The following PUDP variants were observed in gnomAD, a reference collection of about 807,000 sequenced individuals.
The protein encoded by PUDP is pseudouridine 5'-phosphatase, also known as pseudouridine-5'-phosphatase.
Under a neutral mutation model 9.4 loss-of-function variants are expected in PUDP, and 8 were observed. That is an observed-to-expected ratio of 0.85 (90% CI 0.50 to 1.53). PUDP has a LOEUF of 1.53. PUDP is among the 40% of genes most tolerant of loss of function. PUDP has a pLI of 0.00. For synonymous variants in PUDP, 99 were observed against 80.7 expected, an observed-to-expected ratio of 1.23 and a Z score of -1.22; for missense variants, 188 against 189.7, an observed-to-expected ratio of 0.99 and a Z score of 0.05.
Position 6,799,658 on chromosome X carries a change from AG to A in PUDP, c.*248-93193del, listed in dbSNP as rs771958522. 2.7e-5 allele frequency among the ~76,000 whole-genome samples: 3 copies of A among 111,246 alleles called. No individual in the cohort carries two copies. The Admixed American group carries it at 2.9e-4, about 11-fold the overall frequency. ...TTCGAGACCAGCCAGACCAACATGG[AG>A]AAACCCAGTCTCTACTAAAAATACA... On this transcript the variant is annotated intron_variant and NMD_transcript_variant, in intron 3 of 3. Coordinates refer to the PUDP transcript ENST00000655425.
intron 3 of PUDP, among the ~76,000 whole-genome samples, chrX:6,752,378 T>C (rs1925105884): frequency 9.0e-6 from 1 of 111,300 alleles, no homozygotes; most frequent in African/African-American, 3.3e-5. Flanking sequence ...CTATGTCCTA[T>C]GGAAGAGGTG....
chrX:6,973,989 G>A (rs1928916809), intron 3 of PUDP, among the ~76,000 whole-genome samples: 2 of 111,371 alleles, frequency 1.8e-5, no homozygotes. Flanking sequence ...AGCTTTGTTG[G>A]TTCAAAGTCT....
At chrX:6,865,961 C>T (rs1359106094) in intron 3 of PUDP, among the ~76,000 whole-genome samples, 2 of 111,265 alleles carry the variant, frequency 1.8e-5, no homozygotes, top group African/African-American at 6.5e-5. Flanking sequence ...CTCTCTGTTG[C>T]CCAGGCCGGA....
chrX:7,010,205 AATCC>A (rs1929458193), intron 1 of PUDP, among the ~76,000 whole-genome samples: 1 of 111,800 alleles, frequency 8.9e-6, no homozygotes, highest in Non-Finnish European at 1.9e-5. Context: ...GGAGAAGGCT[AATCC>A]ATCCCTGTTT....
chrX:7,006,518 C>A (rs963359882), intron 1 of PUDP, among the ~76,000 whole-genome samples: 1 of 111,094 alleles, frequency 9.0e-6, no homozygotes, highest in Non-Finnish European at 1.9e-5. Flanking sequence ...AGGTCCTCTG[C>A]CTATTTTTTT....
At chrX:6,967,807 T>A (rs1209760559) in intron 3 of PUDP, among the ~76,000 whole-genome samples, 1 of 111,682 alleles carries the variant, frequency 9.0e-6, no homozygotes, top group Non-Finnish European at 1.9e-5. Flanking sequence ...ACTTTAACTT[T>A]CCCTCTGCCT....
At chrX:6,876,213 A>T (rs1927249769) in intron 3 of PUDP, among the ~76,000 whole-genome samples, 1 of 112,018 alleles carries the variant, frequency 8.9e-6, no homozygotes, top group Non-Finnish European at 1.9e-5. Context: ...ATAACATGTT[A>T]TTATAAATCT....
intron 3 of PUDP, among the ~76,000 whole-genome samples, chrX:6,888,289 T>C (rs1455011665): frequency 9.1e-6 from 1 of 110,216 alleles, no homozygotes; most frequent in Non-Finnish European, 1.9e-5. Context: ...GCATTAAATC[T>C]CATTTAAGTG....
chrX:7,041,939 TC>T (rs2146831341), intron 1 of PUDP, among the ~76,000 whole-genome samples: 1 of 107,634 alleles, frequency 9.3e-6, no homozygotes, highest in South Asian at 4.3e-4. Flanking sequence ...GCTCAAAAGA[TC>T]CTCCGGCCTC....
At chrX:7,089,881 AG>A (rs1931373448) in intron 2 of PUDP, among the ~76,000 whole-genome samples, 1 of 112,078 alleles carries the variant, frequency 8.9e-6, no homozygotes, top group African/African-American at 3.2e-5. Context: ...GAAAGAAAAG[AG>A]GGGGTAACAT....
intron 3 of PUDP, among the ~76,000 whole-genome samples, chrX:6,934,055 T>A (rs1362135721): frequency 4.1e-5 from 4 of 98,684 alleles, no homozygotes; most frequent in African/African-American, 1.5e-4. Context: ...TGGAAAACAC[T>A]CTGCAGGGTA....
intron 3 of PUDP, among the ~76,000 whole-genome samples, chrX:7,071,184 C>A (rs1401150619): frequency 1.8e-5 from 2 of 111,508 alleles, no homozygotes; most frequent in Admixed American, 1.9e-4. Context: ...AAATTTGGTA[C>A]AAGTTGATAT....
At chrX:7,020,100 T>C (rs976128181) in intron 1 of PUDP, among the ~76,000 whole-genome samples, 3 of 109,942 alleles carry the variant, frequency 2.7e-5, no homozygotes, top group South Asian at 4.0e-4. Flanking sequence ...GCTGGAGAGA[T>C]AGTGGGAATA....
At chrX:6,907,237 T>C (rs184997205) in intron 3 of PUDP, among the ~76,000 whole-genome samples, 8 of 111,466 alleles carry the variant, frequency 7.2e-5, no homozygotes, top group African/African-American at 2.6e-4. Context: ...TTCTCCTTGC[T>C]GCCACCATGT....
chrX:6,876,844 C>A (rs985407739), intron 3 of PUDP, among the ~76,000 whole-genome samples: 16 of 110,204 alleles, frequency 1.5e-4, no homozygotes, highest in Non-Finnish European at 2.7e-4. Flanking sequence ...GACATATATA[C>A]ATATAGACAT....
intron 2 of PUDP, among the ~76,000 whole-genome samples, chrX:7,081,852 A>C (rs1385242702): frequency 2.7e-5 from 3 of 113,082 alleles, no homozygotes; most frequent in Non-Finnish European, 5.6e-5. Flanking sequence ...GATAAATGTT[A>C]GGTAGTGTCG....
At chrX:6,838,359 T>G (rs1926615952) in intron 3 of PUDP, among the ~76,000 whole-genome samples, 1 of 112,631 alleles carries the variant, frequency 8.9e-6, no homozygotes, top group Non-Finnish European at 1.9e-5. Context: ...CTCACTGCCA[T>G]CTGTCTCTTA....
intron 1 of PUDP, among the ~76,000 whole-genome samples, chrX:7,144,047 A>T (rs184897567): frequency 3.7e-4 from 42 of 112,197 alleles, no homozygotes; most frequent in African/African-American, 1.3e-3. Flanking sequence ...GAAGGAGGGG[A>T]GATTGTGATT....
intron 1 of PUDP, among the ~76,000 whole-genome samples, chrX:6,710,310 C>T (rs1490189523): frequency 8.9e-6 from 1 of 111,980 alleles, no homozygotes; most frequent in Non-Finnish European, 1.9e-5. Flanking sequence ...GGTAACACCT[C>T]GAAACAGGGC....
Sources: gnomAD v4.1 joint callset for allele counts (sites outside exome capture counted in the v4.1 genomes callset) on GRCh38, gnomAD v4.1.1 for gene constraint, MANE v1.5 for transcripts, NCBI Gene and HGNC (gene_info 2026-07-23, HGNC 2026-07-21) for gene names.